Variants in FOXP2 observed in about 807,000 individuals in gnomAD.
FOXP2 encodes the protein forkhead box protein P2.
Under a neutral mutation model 115.8 loss-of-function variants are expected in FOXP2, and 12 were observed. The observed-to-expected ratio is 0.10, with a 90% CI of 0.07 to 0.17. The LOEUF is 0.17. Among genes scored for constraint, FOXP2 ranks in the 10% least tolerant of loss-of-function variants. The probability of loss-of-function intolerance (pLI) is 1.00; values close to 1 mark genes in which losing one functional copy is unlikely to be tolerated. For synonymous variants in FOXP2, 328 were observed against 297.7 expected (o/e 1.10, Z -1.05); for missense variants, 629 against 843.5 (o/e 0.75, Z 3.15).
At chr7:114,164,564 TTTC>T (rs1489098715) in intron 1 of FOXP2, among the ~76,000 whole-genome samples, 1 of 152,004 alleles carries the variant, frequency 6.6e-6, no homozygotes, top group Non-Finnish European at 1.5e-5. Flanking sequence ...CTGGTCTCGA[TTTC>T]TTGACCTTGT....
At chr7:114,505,494 A>G (rs547385784) in intron 2 of FOXP2, among the ~76,000 whole-genome samples, 4 of 151,512 alleles carry the variant, frequency 2.6e-5, no homozygotes, top group African/African-American at 9.6e-5. Flanking sequence ...ATGCATATTT[A>G]TCTATCAATT....
chr7:114,328,087 AT>A (rs1015376969), intron 2 of FOXP2, among the ~76,000 whole-genome samples: 11 of 147,258 alleles, frequency 7.5e-5, no homozygotes, highest in Admixed American at 1.4e-4. Context: ...TATTTGGCTA[AT>A]TTTTTTTTTC....
At chr7:114,556,436 A>G (rs1462546125) in intron 3 of FOXP2, among the ~76,000 whole-genome samples, 2 of 152,206 alleles carry the variant, frequency 1.3e-5, no homozygotes, top group African/African-American at 2.4e-5. Flanking sequence ...CAGTCCCTGC[A>G]TACATTCCTA....
intron 16 of FOXP2, among the ~76,000 whole-genome samples, chr7:114,675,075 A>C (rs141408445): frequency 6.6e-6 from 1 of 152,104 alleles, no homozygotes; most frequent in Admixed American, 6.5e-5. Context: ...ATTACTCTAA[A>C]AGTTACATAG....
Position 114,286,720 on chromosome 7 carries a change from A to G in FOXP2, c.-101-1299A>G, listed in dbSNP as rs540003260. Among the ~76,000 whole-genome samples, 9 of 152,166 alleles carry G rather than the reference A, an allele frequency of 5.9e-5. No homozygotes were observed. In the East Asian group the frequency reaches 1.7e-3, roughly 29 times the overall value. On this transcript the variant is annotated intron_variant, in intron 1 of 17. Transcript: ENST00000634411. ...AATTACCTTAATGTTTATGACTTTGAGTTACCTTAATACTTACAATTCACT... is the reference window on the plus strand; with the variant it reads ...AATTACCTTAATGTTTATGACTTTGGGTTACCTTAATACTTACAATTCACT...
At chr7:114,203,938 C>G (rs541486206) in intron 1 of FOXP2, among the ~76,000 whole-genome samples, 1 of 152,264 alleles carries the variant, frequency 6.6e-6, no homozygotes, top group Non-Finnish European at 1.5e-5. Context: ...ATACTTCTTA[C>G]TGAGTCTATG....
chr7:114,565,822 T>C lies in FOXP2; in HGVS notation c.258+31116T>C, dbSNP rs149371430. ...TTTTAGGCATGCACTTACTTAGATT[T>C]GGTCCTCTGAGATACGTAATCTCTG... On this transcript the variant is annotated intron_variant, in intron 3 of 16. Coordinates refer to ENST00000350908, the MANE Select transcript of FOXP2 (RefSeq NM_014491.4). Among the ~76,000 whole-genome samples, 408 of 152,274 alleles carry C rather than the reference T, an allele frequency of 2.7e-3. 1 individual carries two copies. Among genetic ancestry groups the C allele is most frequent in the African/African-American group, 9.2e-3 (383 of 41,564 alleles).
intron 3 of FOXP2, among the ~76,000 whole-genome samples, chr7:114,563,017 G>T (rs747949034): frequency 6.6e-5 from 10 of 152,110 alleles, no homozygotes; most frequent in Admixed American, 2.0e-4. Context: ...AGGAGTAAAG[G>T]CACATCTTAC....
At chr7:114,462,794 A>G (rs527903815) in intron 2 of FOXP2, among the ~76,000 whole-genome samples, 4 of 152,322 alleles carry the variant, frequency 2.6e-5, no homozygotes, top group Admixed American at 2.6e-4. Context: ...CTGGTTGCCA[A>G]ATACTACTAA....
intron 2 of FOXP2, among the ~76,000 whole-genome samples, chr7:114,393,830 C>A (rs1792669198): frequency 6.6e-6 from 1 of 152,034 alleles, no homozygotes; most frequent in African/African-American, 2.4e-5. Context: ...TCTCATTGTT[C>A]AAGGTACAAA....
intron 1 of FOXP2, among the ~76,000 whole-genome samples, chr7:114,096,659 T>TTC (rs1349994774): frequency 4.0e-4 from 61 of 152,346 alleles, no homozygotes; most frequent in Non-Finnish European, 7.2e-4. Context: ...AATAAGTATA[T>TTC]GCACATGCTT....
intron 1 of FOXP2, among the ~76,000 whole-genome samples, chr7:114,253,064 A>T (rs986042982): frequency 6.6e-6 from 1 of 152,192 alleles, no homozygotes; most frequent in African/African-American, 2.4e-5. Context: ...GTAGTCATTC[A>T]GGAGCAGGTT....
intron 2 of FOXP2, among the ~76,000 whole-genome samples, chr7:114,401,895 C>T (rs1018924329): frequency 1.3e-5 from 2 of 152,040 alleles, no homozygotes; most frequent in Admixed American, 6.6e-5. Context: ...CCAAGGCAGG[C>T]GGATCACTTG....
At chr7:114,342,089 C>T (rs754302154) in intron 2 of FOXP2, among the ~76,000 whole-genome samples, 3 of 151,388 alleles carry the variant, frequency 2.0e-5, no homozygotes, top group Non-Finnish European at 3.0e-5. Context: ...TGTTACTGCT[C>T]ATTGATTCAC....
At chr7:114,681,460 A>G (rs1302587689) in intron 16 of FOXP2, among the ~76,000 whole-genome samples, 1 of 152,160 alleles carries the variant, frequency 6.6e-6, no homozygotes, top group African/African-American at 2.4e-5. Context: ...ATAAGCCCCA[A>G]CGTGCATAGC....
At chr7:114,409,713 T>C (rs953463618), upstream of FOXP2, among the ~76,000 whole-genome samples, 1 of 152,154 alleles carries the variant, frequency 6.6e-6, no homozygotes, top group Non-Finnish European at 1.5e-5. Flanking sequence ...GTTTGATTGT[T>C]TTCCAATTGA....
intron 1 of FOXP2, among the ~76,000 whole-genome samples, chr7:114,270,928 G>A (rs1042121642): frequency 3.1e-4 from 47 of 151,736 alleles, no homozygotes; most frequent in African/African-American, 1.1e-3. Context: ...CACATTTAGG[G>A]CTATGATCCA....
intron 3 of FOXP2, among the ~76,000 whole-genome samples, chr7:114,543,538 C>G (rs1258380802): frequency 6.9e-6 from 1 of 144,406 alleles, no homozygotes; most frequent in Non-Finnish European, 1.5e-5. Context: ...TTTAAATTTT[C>G]AAAAAAGAAA....
intron 1 of FOXP2, among the ~76,000 whole-genome samples, chr7:114,093,663 C>G (rs1799586430): frequency 6.6e-6 from 1 of 151,578 alleles, no homozygotes; most frequent in African/African-American, 2.4e-5. Flanking sequence ...CATTTTATAT[C>G]ATATCACATT....
Sources: gnomAD v4.1 joint callset for allele counts (sites outside exome capture counted in the v4.1 genomes callset) on GRCh38, gnomAD v4.1.1 for gene constraint, MANE v1.5 for transcripts, NCBI Gene and HGNC (gene_info 2026-07-23, HGNC 2026-07-21) for gene names.